Variants in PCDHGB5 observed in about 807,000 individuals in gnomAD.
The protein encoded by PCDHGB5 is protocadherin gamma-B5.
Under a neutral mutation model 62.9 loss-of-function variants are expected in PCDHGB5, and 48 were observed. The ratio of observed to expected loss-of-function variants is 0.76; its 90% CI spans 0.61 to 0.97. The LOEUF is 0.97. Among genes scored for constraint, PCDHGB5 ranks in the 50% least tolerant of loss-of-function variants. PCDHGB5 has a pLI of 0.00. For missense variants in PCDHGB5, 1,118 were observed against 1,198.6 expected (o/e 0.93, Z 0.99); for synonymous variants, 474 against 511.2 (o/e 0.93, Z 0.98).
Position 141,487,945 on chromosome 5 carries a change from G to A in PCDHGB5, c.2398-6862G>A, listed in dbSNP as rs2099669554. ...CAGTGCACAGGGTACAGTGCACCAG[G>A]CAGTCACTTGGACAAAGGTGGCTGT... On this transcript the variant is annotated intron_variant, in intron 1 of 3. Transcript: ENST00000617380. This position sits in a 1 kb window ranked among gnomAD's most constrained non-coding sequence, Gnocchi z 5.0. Among the ~76,000 whole-genome samples the A allele has an allele frequency of 6.6e-6, 1 of 152,198 alleles. No individual in the cohort carries two copies. Among genetic ancestry groups the A allele is most frequent in the Non-Finnish European group, 1.5e-5 (1 of 68,036 alleles).
rs1481171398 is a variant in PCDHGB5 at position 141,455,879 on chromosome 5, ATTT to A, written c.2398-38927_2398-38925del. 3.8e-4 allele frequency among the ~76,000 whole-genome samples: 56 copies of A among 147,786 alleles called. No individual in the cohort carries two copies. In the East Asian group the frequency reaches 8.9e-3, roughly 23 times the overall value. On this transcript the variant is annotated intron_variant, in intron 1 of 3. Coordinates refer to ENST00000617380, the MANE Select transcript of PCDHGB5 (RefSeq NM_018925.3). ...TCTTTTATTATTTATTTATTTATTTATTTATTTATTTATTTATTTATTTATTTA... is the reference window on the plus strand; with the variant it reads ...TCTTTTATTATTTATTTATTTATTTAATTTATTTATTTATTTATTTATTTA...
intron 1 of PCDHGB5, chr5:141,428,040 G>A: frequency 6.2e-7 from 1 of 1,608,668 alleles, no homozygotes; most frequent in Non-Finnish European, 8.5e-7. Flanking sequence ...CGGCTACCTG[G>A]TGACCAAGGT....
intron 1 of PCDHGB5, among the ~76,000 whole-genome samples, chr5:141,457,015 A>T (rs1216403373): frequency 6.6e-6 from 1 of 152,182 alleles, no homozygotes; most frequent in Admixed American, 6.5e-5. Context: ...AATCCAATAA[A>T]AAGTCCTAGT....
rs766151180 is a variant in PCDHGB5 at position 141,432,210 on chromosome 5, A to G, written c.2397+31686A>G. On this transcript the variant is annotated intron_variant, in intron 1 of 3. Transcript: ENST00000617380. This position sits in a 1 kb window ranked among gnomAD's most constrained non-coding sequence, Gnocchi z 6.0. Reference sequence around the variant, plus strand: ...GCCCACGACCCCGACTGTGAAGAGAACGCCCAGATCACTTATTCCCTGGCT... The same window carrying G: ...GCCCACGACCCCGACTGTGAAGAGAGCGCCCAGATCACTTATTCCCTGGCT... 1 of 1,614,138 alleles carries G rather than the reference A, an allele frequency of 6.2e-7. No individual in the cohort carries two copies. Among genetic ancestry groups the G allele is most frequent in the Non-Finnish European group, 8.5e-7 (1 of 1,180,018 alleles).
rs1161697588 is a variant in PCDHGB5, at chr5:141,491,464, T to C, written c.2398-3343T>C. 7 of 1,613,982 alleles carry C rather than the reference T, an allele frequency of 4.3e-6. No homozygotes were observed. In the African/African-American group the frequency reaches 9.3e-5, roughly 22 times the overall value. On this transcript the variant is annotated intron_variant, in intron 1 of 3. Transcript: ENST00000617380. This position sits in a 1 kb window ranked among gnomAD's most constrained non-coding sequence, Gnocchi z 6.9. ...CCAGGACTCACCCTCCCCGGACTTCTATAAGCAGTCCAGCCCCAACCTGCA... is the reference window on the plus strand; with the variant it reads ...CCAGGACTCACCCTCCCCGGACTTCCATAAGCAGTCCAGCCCCAACCTGCA...
At chr5:141,421,081 A>G (rs775366249) in intron 1 of PCDHGB5, 61 of 637,820 alleles carry the variant, frequency 9.6e-5, no homozygotes, top group Non-Finnish European at 1.4e-4. Flanking sequence ...ATGGATACTC[A>G]CAGATCCTGA....
chr5:141,464,911 T>G (rs2099093002), intron 1 of PCDHGB5, among the ~76,000 whole-genome samples: 1 of 151,718 alleles, frequency 6.6e-6, no homozygotes, highest in Non-Finnish European at 1.5e-5. Context: ...GCTAATTTTT[T>G]TATTTTTTTG....
In PCDHGB5 at chr5:141,413,207, C is replaced by G. The variant is rs563279284; in HGVS notation, c.2397+12683C>G. The G allele has an allele frequency of 2.1e-4, 334 of 1,612,874 alleles. 3 individuals carry two copies. In the South Asian group the frequency reaches 3.4e-3, roughly 17 times the overall value. On this transcript the variant is annotated intron_variant, in intron 1 of 3. Coordinates refer to ENST00000617380, the MANE Select transcript of PCDHGB5 (RefSeq NM_018925.3). ...GCTCAAAGGAATCGCTCAAAGGAAT[C>G]AAAGGATTGCAGCGGGCTGGTCCTG... is the stretch of plus-strand genomic sequence containing the variant.
intron 1 of PCDHGB5, chr5:141,408,920 C>T (rs772932702): frequency 1.9e-6 from 3 of 1,613,506 alleles, no homozygotes; most frequent in Admixed American, 1.7e-5. Context: ...TGATAACCCC[C>T]CGGTTTTCAG....
intron 1 of PCDHGB5, among the ~76,000 whole-genome samples, chr5:141,406,762 A>C (rs942707558): frequency 2.0e-5 from 3 of 152,238 alleles, no homozygotes; most frequent in Non-Finnish European, 4.4e-5. Context: ...CAAGGAATTA[A>C]AAATATTTCT....
chr5:141,465,761 G>A (rs1040750106), intron 1 of PCDHGB5, among the ~76,000 whole-genome samples: 2 of 151,634 alleles, frequency 1.3e-5, no homozygotes, highest in African/African-American at 4.8e-5. Flanking sequence ...GTAAAGTCAT[G>A]TTTCATCTCT....
chr5:141,457,680 G>A lies in PCDHGB5; in HGVS notation c.2398-37127G>A, dbSNP rs866876250. 2.6e-5 allele frequency among the ~76,000 whole-genome samples: 4 copies of A among 152,290 alleles called. No individual in the cohort carries two copies. The South Asian group carries it at 8.3e-4, about 32-fold the overall frequency. On this transcript the variant is annotated intron_variant, in intron 1 of 3. Coordinates refer to ENST00000617380, the MANE Select transcript of PCDHGB5 (RefSeq NM_018925.3). The stretch of plus-strand genomic sequence containing the variant: ...AGCAAGAATGGTTATTTCTACATAG[G>A]ACTTTTGGATTGGCTTTGATGAAAC...
intron 1 of PCDHGB5, among the ~76,000 whole-genome samples, chr5:141,459,742 T>C (rs2098974738): frequency 6.6e-6 from 1 of 152,248 alleles, no homozygotes; most frequent in Non-Finnish European, 1.5e-5. Context: ...TTTTAAATTT[T>C]AGCAATTCTA....
intron 1 of PCDHGB5, among the ~76,000 whole-genome samples, chr5:141,473,431 G>T (rs541546681): frequency 3.3e-5 from 5 of 152,148 alleles, no homozygotes; most frequent in Non-Finnish European, 7.3e-5. Flanking sequence ...CAGATACTTT[G>T]CTTATGCAAA....
chr5:141,477,169 G>A lies in PCDHGB5; in HGVS notation c.2398-17638G>A. 6.2e-7 allele frequency: 1 copy of A among 1,614,198 alleles called. No individual in the cohort carries two copies. The highest frequency in any genetic ancestry group is 8.5e-7 in the Non-Finnish European group (1 of 1,180,042). The stretch of plus-strand genomic sequence containing the variant: ...TGGATGTGAATGACAACGCCCCGGA[G>A]ATCACAGTCACCTCCGTGTACAGCC... On this transcript the variant is annotated intron_variant, in intron 1 of 3. Transcript: ENST00000617380. The surrounding 1 kb of genome is among the most constrained non-coding windows in gnomAD (Gnocchi z 4.9).
At chr5:141,478,563 C>G (rs1484075735) in intron 1 of PCDHGB5, 16 of 1,596,154 alleles carry the variant, frequency 1.0e-5, no homozygotes, top group African/African-American at 1.3e-5. Context: ...TTTAGCAAGT[C>G]ATGCTTGACC....
At chr5:141,502,621 A>G (rs918589202) in intron 2 of PCDHGB5, among the ~76,000 whole-genome samples, 3 of 152,162 alleles carry the variant, frequency 2.0e-5, no homozygotes, top group African/African-American at 7.2e-5. Context: ...AAATATAAGT[A>G]ATCTGTGGAT....
At position 141,476,304 on chromosome 5, in the gene PCDHGB5, C is replaced by T. The variant is rs769790423; in HGVS notation, c.2398-18503C>T. On this transcript the variant is annotated intron_variant, in intron 1 of 3. Coordinates refer to ENST00000617380, the MANE Select transcript of PCDHGB5 (RefSeq NM_018925.3). The surrounding 1 kb of genome is among the most constrained non-coding windows in gnomAD (Gnocchi z 7.6). Reference sequence around the variant, plus strand: ...GGTTTGGATCTCGGTAGCCTCTCAGCCCGCAGGTTCCGGGTGGTGTCTGGA... The same window carrying T: ...GGTTTGGATCTCGGTAGCCTCTCAGTCCGCAGGTTCCGGGTGGTGTCTGGA... The T allele has an allele frequency of 6.2e-7, 1 of 1,613,746 alleles. No individual in the cohort carries two copies. Among genetic ancestry groups the T allele is most frequent in the Admixed American group, 1.7e-5 (1 of 59,988 alleles).
chr5:141,409,409 A>C, intron 1 of PCDHGB5: 4 of 1,614,046 alleles, frequency 2.5e-6, no homozygotes, highest in Non-Finnish European at 3.4e-6. Flanking sequence ...TAACTACTAC[A>C]AACTGGTGAC....
Sources: allele counts gnomAD v4.1 joint callset (sites outside exome capture counted in the v4.1 genomes callset), GRCh38; gene constraint gnomAD v4.1.1; non-coding constraint Gnocchi (gnomAD v3.1); transcripts MANE v1.5; gene names NCBI Gene and HGNC (gene_info 2026-07-23, HGNC 2026-07-21).